The following PDGFD variants were observed in gnomAD, a reference collection of about 807,000 sequenced individuals.
PDGFD encodes the protein platelet derived growth factor D.
A neutral mutation model predicts 44.7 loss-of-function variants in PDGFD; 30 were observed. The observed-to-expected ratio is 0.67, with a 90% CI of 0.50 to 0.91. The LOEUF (loss-of-function observed/expected upper bound fraction) is 0.91. Among genes scored for constraint, PDGFD ranks in the 40% least tolerant of loss-of-function variants. The pLI is 0.00. For missense variants in PDGFD, 445 were observed against 457.8 expected (o/e 0.97, Z 0.25); for synonymous variants, 173 against 168.4 (o/e 1.03, Z -0.21).
Position 104,086,927 on chromosome 11 carries a change from C to T in PDGFD, c.124+76877G>A, listed in dbSNP as rs900767681. On this transcript the variant is annotated intron_variant, in intron 1 of 6. Transcript: ENST00000393158. ...TCTTTCAAGAATAAATTATAAACATCGTTAGAATCAGTGGTCTTTAGCTTA... is the reference window on the plus strand; with the variant it reads ...TCTTTCAAGAATAAATTATAAACATTGTTAGAATCAGTGGTCTTTAGCTTA... Among the ~76,000 whole-genome samples, 3 of 150,748 alleles carry T rather than the reference C, an allele frequency of 2.0e-5. No homozygotes were observed. In the East Asian group the frequency reaches 5.9e-4, roughly 30 times the overall value.
intron 5 of PDGFD, among the ~76,000 whole-genome samples, chr11:103,936,548 T>C (rs1344573908): frequency 2.0e-5 from 3 of 152,230 alleles, no homozygotes; most frequent in Non-Finnish European, 4.4e-5. Context: ...AACATTTATT[T>C]CATTTATTTC....
intron 1 of PDGFD, among the ~76,000 whole-genome samples, chr11:104,079,928 A>C (rs1861019931): frequency 6.6e-6 from 1 of 152,154 alleles, no homozygotes; most frequent in Non-Finnish European, 1.5e-5. Flanking sequence ...AAACTCTATA[A>C]ATTTATACGT....
intron 3 of PDGFD, among the ~76,000 whole-genome samples, chr11:103,955,857 TA>T (rs1172635159): frequency 6.6e-6 from 1 of 152,168 alleles, no homozygotes; most frequent in Admixed American, 6.5e-5. Context: ...ATTTAAGAGT[TA>T]ATTTTATAAC....
Position 104,051,777 on chromosome 11 carries a change from A to G in PDGFD, c.125-51522T>C, listed in dbSNP as rs549192242. On this transcript the variant is annotated intron_variant, in intron 1 of 6. Transcript: ENST00000393158. ...TTTCATCTATAAAATGTAAACAAAT[A>G]CAGAAAACATATACAATTAACCACT... 1.4e-4 allele frequency among the ~76,000 whole-genome samples: 22 copies of G among 152,294 alleles called. 1 individual carries two copies. In the East Asian group the frequency reaches 4.2e-3, roughly 29 times the overall value.
intron 1 of PDGFD, among the ~76,000 whole-genome samples, chr11:104,118,465 A>C (rs915141974): frequency 5.3e-5 from 8 of 151,634 alleles, no homozygotes; most frequent in African/African-American, 1.9e-4. Flanking sequence ...TAAGTCATTC[A>C]GTTTATGTTA....
chr11:103,990,213 C>T (rs10895557), intron 3 of PDGFD, among the ~76,000 whole-genome samples: 20,374 of 152,218 alleles, frequency 0.13, 1,510 homozygotes, highest in Middle Eastern at 0.19. Context: ...AGCCTGAATG[C>T]TAAGGCACCA....
chr11:104,089,160 A>G (rs951279618), intron 1 of PDGFD, among the ~76,000 whole-genome samples: 5 of 152,178 alleles, frequency 3.3e-5, no homozygotes, highest in Non-Finnish European at 5.9e-5. Context: ...TTTCATGAGG[A>G]GAATAGGTTT....
rs1368832699 is a variant in PDGFD at position 104,134,465 on chromosome 11, T to C, written c.124+29339A>G. 3.3e-5 allele frequency among the ~76,000 whole-genome samples: 5 copies of C among 152,272 alleles called. No homozygotes were observed. The East Asian group carries it at 9.7e-4, about 29-fold the overall frequency. ...AATAAACCTCAAAAAAAAAGCTTAA[T>C]TAATTCAAGTCATACAGCTTCAGAA... is the stretch of plus-strand genomic sequence containing the variant. On this transcript the variant is annotated intron_variant, in intron 1 of 6. Transcript: ENST00000393158.
intron 1 of PDGFD, among the ~76,000 whole-genome samples, chr11:104,042,558 A>G (rs1860373383): frequency 6.6e-6 from 1 of 152,226 alleles, no homozygotes; most frequent in Non-Finnish European, 1.5e-5. Context: ...TCAAATAAGT[A>G]AGGATCATTT....
At chr11:104,029,901 A>G (rs1296474180) in intron 1 of PDGFD, among the ~76,000 whole-genome samples, 1 of 152,186 alleles carries the variant, frequency 6.6e-6, no homozygotes, top group Non-Finnish European at 1.5e-5. Context: ...GATATCCACT[A>G]ATTACAGGCC....
intron 1 of PDGFD, among the ~76,000 whole-genome samples, chr11:104,105,398 T>G (rs1439946709): frequency 6.6e-6 from 1 of 152,034 alleles, no homozygotes; most frequent in Non-Finnish European, 1.5e-5. Context: ...GCCTGCTAGA[T>G]AAAGTCACCT....
intron 1 of PDGFD, among the ~76,000 whole-genome samples, chr11:104,115,888 GT>G (rs1248918296): frequency 4.0e-5 from 6 of 151,364 alleles, no homozygotes; most frequent in Non-Finnish European, 7.4e-5. Context: ...GGGATTGTTG[GT>G]TTTTTTTCTT....
chr11:103,935,104 C>T (rs985000688), intron 5 of PDGFD, among the ~76,000 whole-genome samples: 1 of 152,186 alleles, frequency 6.6e-6, no homozygotes, highest in East Asian at 1.9e-4. Flanking sequence ...GTTCATCCGA[C>T]GCTAAAAGTT....
intron 1 of PDGFD, among the ~76,000 whole-genome samples, chr11:104,022,722 T>TACA (rs991344836): frequency 6.4e-5 from 9 of 141,258 alleles, no homozygotes; most frequent in Admixed American, 4.0e-4. Context: ...TCAATATATA[T>TACA]ACACACACTA....
chr11:104,037,502 T>C, intron 1 of PDGFD: 1 of 1,613,990 alleles, frequency 6.2e-7, no homozygotes, highest in Non-Finnish European at 8.5e-7. Context: ...GAAGAAAACA[T>C]GAATATAGCG....
At chr11:104,020,661 T>C (rs1859935899) in intron 1 of PDGFD, among the ~76,000 whole-genome samples, 1 of 152,106 alleles carries the variant, frequency 6.6e-6, no homozygotes, top group Admixed American at 6.6e-5. Flanking sequence ...AAAACAGACA[T>C]TTTATACTTC....
chr11:104,102,114 A>G (rs1348340344), intron 1 of PDGFD, among the ~76,000 whole-genome samples: 3 of 152,240 alleles, frequency 2.0e-5, no homozygotes, highest in Non-Finnish European at 2.9e-5. Context: ...GCACGGCAAA[A>G]GAAACTACCA....
chr11:103,913,133 G>C (rs775259584), intron 6 of PDGFD, among the ~76,000 whole-genome samples: 1 of 152,026 alleles, frequency 6.6e-6, no homozygotes, highest in Non-Finnish European at 1.5e-5. Context: ...GTTGAACTGA[G>C]CTCTGGACCA....
intron 1 of PDGFD, among the ~76,000 whole-genome samples, chr11:104,110,188 A>C (rs980032104): frequency 1.3e-5 from 2 of 152,194 alleles, no homozygotes; most frequent in African/African-American, 2.4e-5. Flanking sequence ...TGAGCAAGAA[A>C]GTAGGATTAG....
Sources: allele counts gnomAD v4.1 joint callset (sites outside exome capture counted in the v4.1 genomes callset), GRCh38; gene constraint gnomAD v4.1.1; transcripts MANE v1.5; gene names NCBI Gene and HGNC (gene_info 2026-07-23, HGNC 2026-07-21).